The following AKR1C8 variants were observed in gnomAD, a reference collection of about 807,000 sequenced individuals.
The protein encoded by AKR1C8 is aldo-keto reductase family 1 member C8.
chr10:5,156,031 T>A, the AKR1C8 span, among the ~76,000 whole-genome samples: 3 of 152,272 alleles, frequency 2.0e-5, no homozygotes, highest in Middle Eastern at 3.4e-3. Flanking sequence ...TATTGAGAAT[T>A]GCTTGAGGCA....
chr10:5,151,767 G>C, the AKR1C8 span, among the ~76,000 whole-genome samples: 94 of 152,188 alleles, frequency 6.2e-4, no homozygotes, highest in Middle Eastern at 3.4e-3. Flanking sequence ...ATGTTGGCCA[G>C]GCTGGTCTTA....
the AKR1C8 span, chr10:5,161,982 C>A: frequency 3.7e-6 from 1 of 270,804 alleles, no homozygotes; most frequent in South Asian, 2.2e-5. Context: ...GCTGCAGTGA[C>A]CAAAAGAAAC....
the AKR1C8 span, chr10:5,157,694 G>A: frequency 3.0e-5 from 14 of 472,702 alleles, no homozygotes; most frequent in East Asian, 7.0e-5. Flanking sequence ...ACCACTCCCC[G>A]CTGCAGCTGG....
At chr10:5,151,611 C>CAGTG in the AKR1C8 span, among the ~76,000 whole-genome samples, 1 of 141,702 alleles carries the variant, frequency 7.1e-6, no homozygotes, top group Admixed American at 7.4e-5. Context: ...GGCTGGCATA[C>CAGTG]AGTGGCACAA....
At chr10:5,175,343 T>C in the AKR1C8 span, among the ~76,000 whole-genome samples, 9,310 of 152,178 alleles carry the variant, frequency 0.061, 345 homozygotes, top group Middle Eastern at 0.082. Context: ...CCATGGTGTA[T>C]ATGTGCCACA....
the AKR1C8 span, among the ~76,000 whole-genome samples, chr10:5,125,294 T>A: frequency 6.6e-6 from 1 of 152,156 alleles, no homozygotes; most frequent in Non-Finnish European, 1.5e-5. Flanking sequence ...TATTAAATAA[T>A]CTGAGGTCAT....
the AKR1C8 span, chr10:5,158,820 C>G: frequency 2.4e-6 from 1 of 415,954 alleles, no homozygotes; most frequent in Non-Finnish European, 4.8e-6. Flanking sequence ...ATGTACTATA[C>G]TTTTCATGTT....
the AKR1C8 span, chr10:5,132,557 T>C: frequency 2.1e-6 from 3 of 1,416,220 alleles, no homozygotes; most frequent in Admixed American, 4.6e-5. Flanking sequence ...CTCCACACTA[T>C]CACATTAAAT....
the AKR1C8 span, among the ~76,000 whole-genome samples, chr10:5,146,766 T>C: frequency 1.3e-5 from 2 of 152,220 alleles, no homozygotes; most frequent in Admixed American, 1.3e-4. Context: ...TCTTTGCTTT[T>C]ATTGCATTTG....
At chr10:5,127,306 G>T in the AKR1C8 span, among the ~76,000 whole-genome samples, 211 of 152,088 alleles carry the variant, frequency 1.4e-3, no homozygotes, top group African/African-American at 4.4e-3. Flanking sequence ...GGAAATGAAA[G>T]GCACATTTAG....
the AKR1C8 span, among the ~76,000 whole-genome samples, chr10:5,139,372 G>T: frequency 6.6e-6 from 1 of 152,180 alleles, no homozygotes; most frequent in Non-Finnish European, 1.5e-5. Flanking sequence ...AACAAAGCTG[G>T]AGGCATTATG....
the AKR1C8 span, among the ~76,000 whole-genome samples, chr10:5,130,000 A>G: frequency 6.6e-6 from 1 of 152,012 alleles, no homozygotes; most frequent in African/African-American, 2.4e-5. Flanking sequence ...CCTGGTGAAC[A>G]TAGATTAAAA....
the AKR1C8 span, among the ~76,000 whole-genome samples, chr10:5,166,080 G>C: frequency 6.6e-6 from 1 of 152,030 alleles, no homozygotes; most frequent in South Asian, 2.1e-4. Context: ...AAGAGACTAA[G>C]GGACATCTTT....
chr10:5,168,456 G>T, the AKR1C8 span, among the ~76,000 whole-genome samples: 1 of 152,012 alleles, frequency 6.6e-6, no homozygotes, highest in Non-Finnish European at 1.5e-5. Context: ...AGAAATGCCT[G>T]ATAGTCATGG....
chr10:5,118,267 G>A, the AKR1C8 span, among the ~76,000 whole-genome samples: 1 of 152,146 alleles, frequency 6.6e-6, no homozygotes, highest in Admixed American at 6.6e-5. Flanking sequence ...CAGGACTCAT[G>A]GAAATCAGAA....
the AKR1C8 span, chr10:5,123,635 AG>A: frequency 7.4e-7 from 1 of 1,355,792 alleles, no homozygotes; most frequent in African/African-American, 1.5e-5. Flanking sequence ...AGTAAACTCC[AG>A]GAAAGAGAGT....
At chr10:5,127,635 C>T in the AKR1C8 span, among the ~76,000 whole-genome samples, 3 of 145,230 alleles carry the variant, frequency 2.1e-5, no homozygotes, top group African/African-American at 7.7e-5. Flanking sequence ...AGGAGAATCG[C>T]TTTAACCTGG....
the AKR1C8 span, chr10:5,157,850 C>T: frequency 2.3e-6 from 1 of 436,978 alleles, no homozygotes; most frequent in Non-Finnish European, 4.8e-6. Context: ...GATGGAAAAT[C>T]TACAGTGCGC....
the AKR1C8 span, among the ~76,000 whole-genome samples, chr10:5,166,942 G>GAAA: frequency 8.8e-5 from 13 of 148,146 alleles, no homozygotes; most frequent in Admixed American, 2.0e-4. Flanking sequence ...AAATTTACAA[G>GAAA]AAAAAAAAAA....
Sources: allele counts gnomAD v4.1 joint callset (sites outside exome capture counted in the v4.1 genomes callset), GRCh38; gene constraint gnomAD v4.1.1; transcripts MANE v1.5; gene names NCBI Gene and HGNC (gene_info 2026-07-23, HGNC 2026-07-21).